The following CCDC39 variants were observed in gnomAD, a reference collection of about 807,000 sequenced individuals.
The protein encoded by CCDC39 is coiled-coil domain 39 molecular ruler complex subunit, also known as coiled-coil domain-containing protein 39.
Under a neutral mutation model 121.0 loss-of-function variants are expected in CCDC39, and 113 were observed. That is an observed-to-expected ratio of 0.93 (90% CI 0.80 to 1.09). The LOEUF is 1.09. Ranked by LOEUF, CCDC39 falls within the 50% of genes least tolerant of loss-of-function variation. CCDC39 has a pLI of 0.00. For missense variants in CCDC39, 1,063 were observed against 1,074.7 expected, an observed-to-expected ratio of 0.99 and a Z score of 0.15; for synonymous variants, 349 against 352.2, an observed-to-expected ratio of 0.99 and a Z score of 0.10.
intron 16 of CCDC39, 62 bp downstream of exon 16, chr3:180,619,197 T>C (rs1717354472): frequency 2.6e-6 from 2 of 766,008 alleles, no homozygotes; most frequent in Non-Finnish European, 2.3e-6. Context: ...AGAATAGAAG[T>C]AGCAGTAATG....
Position 180,642,060 on chromosome 3 carries a change from T to G in CCDC39, c.1807A>C (p.Ile603Leu). The G allele has an allele frequency of 6.2e-7, 1 of 1,612,098 alleles. No individual in the cohort carries two copies. Among genetic ancestry groups the G allele is most frequent in the Non-Finnish European group, 8.5e-7 (1 of 1,178,802 alleles). ...YTAMEERTEE[I>L]KVHKTMLASQ... ...GCAAGCATTGTTTTATGAACCTTGATTTCTTCAGTTCGCTCTTCCATTGCT... is the reference window on the plus strand; with the variant it reads ...GCAAGCATTGTTTTATGAACCTTGAGTTCTTCAGTTCGCTCTTCCATTGCT... The change falls in exon 13 of 20, where the codon ATC becomes CTC. Residue 603 changes from isoleucine to leucine, a missense_variant. By Grantham distance (5) the Ile-to-Leu change is conservative (BLOSUM62 2). Coordinates refer to ENST00000476379, the MANE Select transcript of CCDC39 (RefSeq NM_181426.2).
chr3:180,674,204 A>T (rs1157837961), intron 1 of CCDC39, among the ~76,000 whole-genome samples: 1 of 152,122 alleles, frequency 6.6e-6, no homozygotes, highest in Non-Finnish European at 1.5e-5. Flanking sequence ...ATCCCTTGTA[A>T]GTTGGATTCC....
At chr3:180,638,007 C>G (rs371141288) in intron 13 of CCDC39, among the ~76,000 whole-genome samples, 19 of 151,988 alleles carry the variant, frequency 1.3e-4, no homozygotes, top group African/African-American at 4.3e-4. Context: ...ATGAAATAAT[C>G]TGTATAACAA....
chr3:180,652,094 A>C lies in CCDC39; in HGVS notation c.1034+69T>G, dbSNP rs1576946048. ...AATTATTTAAACAACAAATAGTCTT[A>C]AGTATTTAATAATTTTCTAGATATA... On this transcript the variant is annotated intron_variant, in intron 8 of 19. Transcript: ENST00000476379. 1.2e-5 allele frequency: 10 copies of C among 863,772 alleles called. No individual in the cohort carries two copies. The East Asian group carries it at 2.8e-4, about 25-fold the overall frequency. The allele number at this position is 863,772 out of a possible 1,614,324, so 53.5% of individuals were successfully genotyped here.
intron 7 of CCDC39, among the ~76,000 whole-genome samples, chr3:180,654,243 G>GAAAAAAAAAA (rs1711532928): frequency 9.2e-6 from 1 of 108,322 alleles, no homozygotes; most frequent in African/African-American, 4.2e-5. Context: ...AAAAAAAAAA[G>GAAAAAAAAAA]AGAGAAAGAA....
At chr3:180,655,905 C>T (rs1711566408) in intron 6 of CCDC39, among the ~76,000 whole-genome samples, 1 of 152,112 alleles carries the variant, frequency 6.6e-6, no homozygotes, top group Non-Finnish European at 1.5e-5. Flanking sequence ...AAAAAAATTA[C>T]CCTAATGTGT....
In CCDC39 at chr3:180,677,203, T is replaced by TATATATATATAA. The variant is rs1712257469; in HGVS notation, c.90+2087_90+2088insTTATATATATAT. On this transcript the variant is annotated intron_variant, in intron 1 of 19. Transcript: ENST00000476379. The stretch of plus-strand genomic sequence containing the variant: ...ATATATATATATATATATATATATA[T>TATATATATATAA]ATATATATATATAAAATCACAGTAC... Among the ~76,000 whole-genome samples, 3 of 100,496 alleles carry TATATATATATAA rather than the reference T, an allele frequency of 3.0e-5. No homozygotes were observed. In the Admixed American group the frequency reaches 3.2e-4, roughly 11 times the overall value. 65.9% of individuals were successfully genotyped at this position (100,496 alleles called of 152,430 possible).
chr3:180,641,659 T>C (rs1475031710), intron 13 of CCDC39, among the ~76,000 whole-genome samples: 2 of 152,118 alleles, frequency 1.3e-5, no homozygotes, highest in African/African-American at 2.4e-5. Flanking sequence ...GAAATAATCT[T>C]ATAAAAGATG....
intron 14 of CCDC39, among the ~76,000 whole-genome samples, chr3:180,628,299 C>G (rs1014892487): frequency 1.2e-4 from 19 of 152,174 alleles, no homozygotes; most frequent in African/African-American, 4.6e-4. Context: ...CAAGCTCCGC[C>G]TCCTGGGTTC....
intron 1 of CCDC39, among the ~76,000 whole-genome samples, chr3:180,667,003 A>G (rs529435382): frequency 6.4e-4 from 97 of 152,186 alleles, no homozygotes; most frequent in Non-Finnish European, 9.7e-4. Context: ...GAAATAAAAC[A>G]TGCAATGGAA....
chr3:180,616,240 C>A, intron 19 of CCDC39, 41 bp downstream of exon 19: 2 of 1,554,268 alleles, frequency 1.3e-6, no homozygotes, highest in Non-Finnish European at 1.8e-6. Context: ...TAGTGTACAG[C>A]TGTGAGAGTT....
chr3:180,645,474 C>T (rs114507222), intron 11 of CCDC39, among the ~76,000 whole-genome samples: 49 of 152,082 alleles, frequency 3.2e-4, no homozygotes, highest in African/African-American at 1.1e-3. Context: ...TCCCTCTATC[C>T]GTTCCTCCTC....
intron 1 of CCDC39, among the ~76,000 whole-genome samples, chr3:180,666,955 C>T (rs1711893208): frequency 1.3e-5 from 2 of 151,810 alleles, no homozygotes; most frequent in Admixed American, 6.6e-5. Flanking sequence ...AAAAAAGCAA[C>T]AAAGAACTTG....
Position 180,663,938 on chromosome 3 carries a change from C to T in CCDC39, c.139G>A (p.Glu47Lys), listed in dbSNP as rs774316525. ...ERASLQDELR[E>K]YEERINSMTS... ...ATAGAATTAATTCGCTCTTCATACT[C>T]ACGTAACTCATCTTGCAAGCTTGCT... The change falls in exon 2 of 20, where the codon GAG becomes AAG. Residue 47 changes from glutamate to lysine, a missense_variant. Glu to Lys is a moderately conservative substitution (Grantham distance 56). Transcript: ENST00000476379. The T allele has an allele frequency of 2.5e-6, 4 of 1,611,802 alleles. No individual in the cohort carries two copies. In the Admixed American group the frequency reaches 6.7e-5, roughly 27 times the overall value.
intron 13 of CCDC39, among the ~76,000 whole-genome samples, chr3:180,640,515 T>G (rs111885708): frequency 1.6e-4 from 25 of 152,122 alleles, no homozygotes; most frequent in African/African-American, 5.8e-4. Flanking sequence ...CCTTTCCAAA[T>G]AATGTTAATA....
Position 180,616,858 on chromosome 3 carries a change from G to C in CCDC39, c.2374C>G (p.Gln792Glu), listed in dbSNP as rs763856059. Residue 792 changes from glutamine to glutamate, a missense_variant, in exon 17 of 20, where the codon CAG becomes GAG. Coordinates refer to ENST00000476379, the MANE Select transcript of CCDC39 (RefSeq NM_181426.2). ...SFQLSKETEE[Q>E]KPKLERVTKQ... ...GTCACTCTTTCTAATTTTGGCTTCT[G>C]CTCCTCCGTTTCTTTACTTAGTTGA... The C allele has an allele frequency of 1.2e-6, 2 of 1,608,064 alleles. No homozygotes were observed. The highest frequency in any genetic ancestry group is 3.3e-5 in the Admixed American group (2 of 59,718).
intron 2 of CCDC39, among the ~76,000 whole-genome samples, chr3:180,662,857 C>T (rs939173271): frequency 1.3e-5 from 2 of 152,086 alleles, no homozygotes; most frequent in African/African-American, 2.4e-5. Context: ...TAAAATATGG[C>T]ACTGTTCATT....
Position 180,614,696 on chromosome 3 carries a change from G to T in CCDC39, c.*225C>A. On this transcript the variant is annotated 3_prime_UTR_variant, in exon 20 of 20. Coordinates refer to ENST00000476379, the MANE Select transcript of CCDC39 (RefSeq NM_181426.2). ...CAGTGAAATACAGCATTTTTCCTAT[G>T]CTTGTATAACATGTAGCCTTGTCAA... 2.4e-6 allele frequency: 1 copy of T among 423,878 alleles called. No homozygotes were observed. 26.3% of individuals were successfully genotyped at this position (423,878 alleles called of 1,614,324 possible).
At chr3:180,672,635 G>C (rs547684780) in intron 1 of CCDC39, among the ~76,000 whole-genome samples, 8 of 152,152 alleles carry the variant, frequency 5.3e-5, no homozygotes, top group African/African-American at 1.9e-4. Flanking sequence ...CAATGCACCC[G>C]GTCACCCAAG....
Sources: allele counts gnomAD v4.1 joint callset (sites outside exome capture counted in the v4.1 genomes callset), GRCh38; gene constraint gnomAD v4.1.1; transcripts MANE v1.5; gene names NCBI Gene and HGNC (gene_info 2026-07-23, HGNC 2026-07-21).